Variants in CSMD1 observed in about 807,000 individuals in gnomAD.
CSMD1 encodes the protein CUB and Sushi multiple domains 1, also known as CUB and sushi domain-containing protein 1.
Under a neutral mutation model 417.5 loss-of-function variants are expected in CSMD1, and 213 were observed. The observed-to-expected ratio is 0.51, with a 90% confidence interval of 0.46 to 0.57. The LOEUF (loss-of-function observed/expected upper bound fraction) is 0.57. Among genes scored for constraint, CSMD1 ranks in the 20% least tolerant of loss-of-function variants. CSMD1 has a pLI of 0.00. For synonymous variants in CSMD1, 2,862 were observed against 1,736.8 expected (o/e 1.65, Z -16.11); for missense variants, 6,923 against 4,529.7 (o/e 1.53, Z -15.17).
At chr8:3,116,649 G>C (rs1287550107) in intron 42 of CSMD1, among the ~76,000 whole-genome samples, 1 of 152,188 alleles carries the variant, frequency 6.6e-6, no homozygotes, top group Non-Finnish European at 1.5e-5. Flanking sequence ...GGTAGATTTT[G>C]TTATTTTCAC....
chr8:3,008,407 T>A (rs915716217), intron 52 of CSMD1, among the ~76,000 whole-genome samples: 2 of 152,212 alleles, frequency 1.3e-5, no homozygotes, highest in African/African-American at 4.8e-5. Context: ...ACCTGCAGTT[T>A]ATAGAATTCA....
At chr8:4,803,358 G>C (rs1037060166) in intron 1 of CSMD1, among the ~76,000 whole-genome samples, 2 of 152,290 alleles carry the variant, frequency 1.3e-5, no homozygotes, top group Middle Eastern at 3.4e-3. Context: ...AAGGGTTTCA[G>C]TTACTATTAA....
intron 23 of CSMD1, among the ~76,000 whole-genome samples, chr8:3,324,609 C>G (rs960810238): frequency 6.6e-6 from 1 of 151,970 alleles, no homozygotes; most frequent in Non-Finnish European, 1.5e-5. Context: ...TTTCCTTCCC[C>G]CCACCTTTCA....
intron 2 of CSMD1, among the ~76,000 whole-genome samples, chr8:4,615,570 C>G (rs965659966): frequency 2.0e-4 from 31 of 152,232 alleles, no homozygotes; most frequent in African/African-American, 7.5e-4. Flanking sequence ...GGTTTTCATA[C>G]TATGAGGATA....
At chr8:3,971,187 C>G (rs552346885) in intron 5 of CSMD1, among the ~76,000 whole-genome samples, 1 of 152,114 alleles carries the variant, frequency 6.6e-6, no homozygotes, top group Non-Finnish European at 1.5e-5. Flanking sequence ...GAAGCAACAC[C>G]AAATGTCCTC....
rs559750165 is a variant in CSMD1, at chr8:3,271,772, G to C, written c.4153+12372C>G. Reference sequence around the variant, plus strand: ...CATGTCCTTTGCCCACTTTTTGATGGGGTTGTTTGTTTTTTTCTTGTAAAT... The same window carrying C: ...CATGTCCTTTGCCCACTTTTTGATGCGGTTGTTTGTTTTTTTCTTGTAAAT... On this transcript the variant is annotated intron_variant, in intron 26 of 69. Coordinates refer to ENST00000635120, the MANE Select transcript of CSMD1 (RefSeq NM_033225.6). 2.5e-3 allele frequency among the ~76,000 whole-genome samples: 376 copies of C among 152,022 alleles called. 1 individual carries two copies. Among genetic ancestry groups the C allele is most frequent in the African/African-American group, 8.1e-3 (335 of 41,454 alleles).
chr8:3,642,019 TCAC>T (rs1563225798), intron 7 of CSMD1, among the ~76,000 whole-genome samples: 1 of 152,030 alleles, frequency 6.6e-6, no homozygotes, highest in Non-Finnish European at 1.5e-5. Context: ...GGTTTCCCCC[TCAC>T]CACATCTGCA....
At chr8:4,286,586 G>C (rs894927212) in intron 3 of CSMD1, among the ~76,000 whole-genome samples, 4 of 152,066 alleles carry the variant, frequency 2.6e-5, no homozygotes, top group African/African-American at 9.7e-5. Flanking sequence ...ACCAGCACCT[G>C]ATAGCCTCAT....
At chr8:4,292,808 T>C (rs1325333535) in intron 3 of CSMD1, among the ~76,000 whole-genome samples, 2 of 152,208 alleles carry the variant, frequency 1.3e-5, no homozygotes, top group Non-Finnish European at 2.9e-5. Flanking sequence ...TCTTATTACA[T>C]AAAAGATTTA....
chr8:4,862,637 A>C (rs1802204559), intron 1 of CSMD1, among the ~76,000 whole-genome samples: 1 of 152,096 alleles, frequency 6.6e-6, no homozygotes, highest in South Asian at 2.1e-4. Flanking sequence ...AACAGAAACC[A>C]AGGAGGACAC....
At chr8:4,469,750 G>A (rs1437540473) in intron 2 of CSMD1, among the ~76,000 whole-genome samples, 2 of 152,154 alleles carry the variant, frequency 1.3e-5, no homozygotes, top group African/African-American at 2.4e-5. Context: ...GGAGGCAATG[G>A]AAGGAGCCCT....
chr8:4,048,992 A>G (rs756728752), intron 3 of CSMD1, among the ~76,000 whole-genome samples: 18 of 152,178 alleles, frequency 1.2e-4, no homozygotes, highest in Non-Finnish European at 4.4e-5. Flanking sequence ...TAAGGTTGAT[A>G]CAAAGAGGTG....
intron 3 of CSMD1, among the ~76,000 whole-genome samples, chr8:4,149,321 T>G (rs1324389753): frequency 3.9e-5 from 6 of 152,212 alleles, no homozygotes; most frequent in African/African-American, 1.4e-4. Flanking sequence ...TCACTGAGAA[T>G]TTTTAAAACA....
intron 5 of CSMD1, among the ~76,000 whole-genome samples, chr8:3,819,436 G>A (rs994264248): frequency 1.3e-5 from 2 of 151,874 alleles, no homozygotes; most frequent in African/African-American, 4.8e-5. Context: ...AAAGAAAGTT[G>A]GAAGCTAGAA....
Position 2,973,274 on chromosome 8 carries a change from A to T in CSMD1, c.8766T>A (p.Asp2922Glu). Reference sequence around the variant, plus strand: ...GAGACCCATGTGCTGGGGTCCCCGGATCACCACAGAATCCAGGATTATTTC... The same window carrying T: ...GAGACCCATGTGCTGGGGTCCCCGGTTCACCACAGAATCCAGGATTATTTC... ...CTGNNPGFCG[D>E]PGTPAHGSRL... Residue 2922 changes from aspartate to glutamate, a missense_variant, in exon 57 of 70, where the codon GAT (aspartate) becomes GAA (glutamate). Coordinates refer to ENST00000635120, the MANE Select transcript of CSMD1 (RefSeq NM_033225.6). The T allele has an allele frequency of 6.2e-7, 1 of 1,613,986 alleles. No homozygotes were observed.
intron 5 of CSMD1, among the ~76,000 whole-genome samples, chr8:3,877,511 G>T (rs1448851384): frequency 6.6e-6 from 1 of 152,136 alleles, no homozygotes; most frequent in Non-Finnish European, 1.5e-5. Context: ...TTTACTTATG[G>T]ATACCCTCAA....
chr8:3,860,786 C>G (rs1194298753), intron 5 of CSMD1, among the ~76,000 whole-genome samples: 3 of 152,172 alleles, frequency 2.0e-5, no homozygotes, highest in Admixed American at 2.0e-4. Context: ...CTGTTTTACT[C>G]TGCAACACTT....
chr8:4,687,699 T>A (rs1423586174), intron 1 of CSMD1, among the ~76,000 whole-genome samples: 1 of 152,200 alleles, frequency 6.6e-6, no homozygotes, highest in Non-Finnish European at 1.5e-5. Flanking sequence ...TCAAGATAGC[T>A]AAACAGAAAG....
At chr8:3,854,697 G>A (rs375816001) in intron 5 of CSMD1, among the ~76,000 whole-genome samples, 19 of 151,504 alleles carry the variant, frequency 1.3e-4, no homozygotes, top group Admixed American at 1.1e-3. Context: ...GAAGGGAGTC[G>A]GGAAGATGAG....
Sources: allele counts gnomAD v4.1 joint callset (sites outside exome capture counted in the v4.1 genomes callset), GRCh38; gene constraint gnomAD v4.1.1; transcripts MANE v1.5; gene names NCBI Gene and HGNC (gene_info 2026-07-23, HGNC 2026-07-21).